LUZP2: variants seen among roughly 807,000 people sequenced by gnomAD.
LUZP2 encodes the protein leucine zipper protein 2.
LUZP2 carries 52 observed loss-of-function variants against 51.6 expected under a neutral mutation model. That is an observed-to-expected ratio of 1.01 (90% confidence interval 0.81 to 1.27). The LOEUF (loss-of-function observed/expected upper bound fraction) is 1.27. LUZP2 is among the 50% of genes most tolerant of loss of function. LUZP2 has a pLI of 0.00. For synonymous variants in LUZP2, 154 were observed against 137.3 expected, an observed-to-expected ratio of 1.12 and a Z score of -0.85; for missense variants, 436 against 395.4, an observed-to-expected ratio of 1.10 and a Z score of -0.87.
At chr11:24,633,997 G>T (rs1854988756) in intron 1 of LUZP2, among the ~76,000 whole-genome samples, 1 of 150,266 alleles carries the variant, frequency 6.7e-6, no homozygotes. Context: ...GGACAATAAA[G>T]TCTAAACCTG....
chr11:24,609,842 A>G (rs1854058407), intron 1 of LUZP2, among the ~76,000 whole-genome samples: 1 of 152,110 alleles, frequency 6.6e-6, no homozygotes, highest in Non-Finnish European at 1.5e-5. Flanking sequence ...TGCATGGCAA[A>G]GAGCCTGCTG....
chr11:24,506,884 A>C (rs539757525), intron 1 of LUZP2, among the ~76,000 whole-genome samples: 1 of 152,266 alleles, frequency 6.6e-6, no homozygotes, highest in Non-Finnish European at 1.5e-5. Context: ...TATAGAATCT[A>C]GTCTCTGTAT....
intron 5 of LUZP2, among the ~76,000 whole-genome samples, chr11:24,765,783 C>A (rs375382264): frequency 6.6e-6 from 1 of 151,822 alleles, no homozygotes; most frequent in Non-Finnish European, 1.5e-5. Flanking sequence ...CCCGCCACCA[C>A]GCCTGGCTAA....
intron 5 of LUZP2, among the ~76,000 whole-genome samples, chr11:24,841,254 C>A (rs1339341693): frequency 6.6e-6 from 1 of 152,068 alleles, no homozygotes; most frequent in Non-Finnish European, 1.5e-5. Flanking sequence ...CTTTTGCTTT[C>A]TCTGCCATGT....
intron 1 of LUZP2, among the ~76,000 whole-genome samples, chr11:24,538,074 C>T (rs1851236930): frequency 6.6e-6 from 1 of 151,770 alleles, no homozygotes; most frequent in Non-Finnish European, 1.5e-5. Context: ...CACAAACACA[C>T]ATGCACACAC....
intron 7 of LUZP2, among the ~76,000 whole-genome samples, chr11:24,952,459 A>C (rs1456753332): frequency 1.3e-5 from 2 of 151,742 alleles, no homozygotes; most frequent in Non-Finnish European, 2.9e-5. Flanking sequence ...TAAATGTTAT[A>C]GGACAAAGAA....
At chr11:24,622,821 T>C (rs1013746260) in intron 1 of LUZP2, among the ~76,000 whole-genome samples, 9 of 152,154 alleles carry the variant, frequency 5.9e-5, no homozygotes, top group African/African-American at 2.2e-4. Context: ...ATAGTTGTTA[T>C]CCTCTCCACA....
At chr11:24,913,551 A>G (rs183209745) in intron 6 of LUZP2, among the ~76,000 whole-genome samples, 1 of 152,066 alleles carries the variant, frequency 6.6e-6, no homozygotes, top group Non-Finnish European at 1.5e-5. Context: ...CAATGTACAT[A>G]TGTTTAATTT....
intron 5 of LUZP2, among the ~76,000 whole-genome samples, chr11:24,843,327 A>G (rs1851093275): frequency 6.6e-6 from 1 of 152,132 alleles, no homozygotes; most frequent in African/African-American, 2.4e-5. Context: ...TTAATTTTAT[A>G]CAATTCCTCA....
intron 3 of LUZP2, among the ~76,000 whole-genome samples, chr11:24,732,685 A>G (rs538489345): frequency 1.3e-5 from 2 of 151,846 alleles, no homozygotes; most frequent in Admixed American, 1.3e-4. Context: ...ATATTATGAA[A>G]TATACTTGTG....
At chr11:24,839,746 T>C (rs1477652532) in intron 5 of LUZP2, among the ~76,000 whole-genome samples, 1 of 151,850 alleles carries the variant, frequency 6.6e-6, no homozygotes, top group East Asian at 1.9e-4. Context: ...GGGGTCCATT[T>C]GTCAAAGTTA....
rs1391841876 is a variant in LUZP2 at position 24,958,584 on chromosome 11, A to G, written c.523-18007A>G. Among the ~76,000 whole-genome samples, 1,130 of 151,718 alleles carry G rather than the reference A, an allele frequency of 7.4e-3. 15 individuals are homozygous for G. Among genetic ancestry groups the G allele is most frequent in the African/African-American group, 0.023 (943 of 41,282 alleles). On this transcript the variant is annotated intron_variant, in intron 7 of 11. Coordinates refer to ENST00000336930, the MANE Select transcript of LUZP2 (RefSeq NM_001009909.4). The stretch of plus-strand genomic sequence containing the variant: ...AAGTGTCTGTTCATGTCCTTCACCC[A>G]CTTTTTGATGGGGTTGTTTGTTTTT...
At position 25,078,920 on chromosome 11, in the gene LUZP2, T is replaced by C; in HGVS notation, c.*262T>C. The C allele has an allele frequency of 3.0e-6, 1 of 329,542 alleles. No homozygotes were observed. The highest frequency in any genetic ancestry group is 5.5e-6 in the Non-Finnish European group (1 of 182,742). The allele number at this position is 329,542 out of a possible 1,614,324, so 20.4% of individuals were successfully genotyped here. A position where few individuals can be genotyped will look rare whatever the true frequency, so the allele number is the denominator to read the frequency against. The stretch of plus-strand genomic sequence containing the variant: ...CCCATATAAATTGGTCTGGTTTAAC[T>C]CAAATGCTATCTAACATGTAATTCT... On this transcript the variant is annotated 3_prime_UTR_variant, in exon 12 of 12. Transcript: ENST00000336930.
At chr11:24,817,812 C>T (rs1210167255) in intron 5 of LUZP2, among the ~76,000 whole-genome samples, 1 of 151,952 alleles carries the variant, frequency 6.6e-6, no homozygotes, top group Non-Finnish European at 1.5e-5. Flanking sequence ...CTAAGTGCAT[C>T]ACAATTTCTT....
At chr11:24,983,905 A>G (rs1335413107) in intron 9 of LUZP2, among the ~76,000 whole-genome samples, 1 of 151,324 alleles carries the variant, frequency 6.6e-6, no homozygotes, top group Non-Finnish European at 1.5e-5. Context: ...AGGACAACTC[A>G]TTTGAGCAAA....
intron 1 of LUZP2, among the ~76,000 whole-genome samples, chr11:24,701,103 A>G (rs766267352): frequency 2.0e-5 from 3 of 152,206 alleles, no homozygotes; most frequent in Non-Finnish European, 4.4e-5. Context: ...AAGGCTGGGT[A>G]ATTTATAAAG....
intron 3 of LUZP2, among the ~76,000 whole-genome samples, chr11:24,732,501 G>A (rs1479741266): frequency 1.3e-5 from 2 of 151,522 alleles, no homozygotes; most frequent in South Asian, 2.1e-4. Context: ...AGGTAAGTCT[G>A]ACCATCAATA....
intron 1 of LUZP2, among the ~76,000 whole-genome samples, chr11:24,556,886 TA>T (rs1479703637): frequency 5.3e-5 from 8 of 152,174 alleles, no homozygotes; most frequent in Non-Finnish European, 1.2e-4. Context: ...CATATGGTAC[TA>T]ATTTCACTTC....
At chr11:24,746,553 A>G (rs1859387057) in intron 4 of LUZP2, among the ~76,000 whole-genome samples, 1 of 152,104 alleles carries the variant, frequency 6.6e-6, no homozygotes, top group African/African-American at 2.4e-5. Flanking sequence ...TTTGTGATGA[A>G]TTTCCCTGTG....
Sources: allele counts gnomAD v4.1 joint callset (sites outside exome capture counted in the v4.1 genomes callset), GRCh38; gene constraint gnomAD v4.1.1; transcripts MANE v1.5; gene names NCBI Gene and HGNC (gene_info 2026-07-23, HGNC 2026-07-21).